STAT4: variants seen among roughly 807,000 people sequenced by gnomAD.
STAT4 encodes signal transducer and activator of transcription 4.
Under a neutral mutation model 110.5 loss-of-function variants are expected in STAT4, and 42 were observed. The observed-to-expected ratio is 0.38, with a 90% CI of 0.30 to 0.49. STAT4 has a LOEUF of 0.49. Ranked by LOEUF, STAT4 falls within the 20% of genes least tolerant of loss-of-function variation. The pLI, the probability that STAT4 is intolerant of heterozygous loss-of-function variation, is 0.95. For missense variants in STAT4, 632 were observed against 887.9 expected (o/e 0.71, Z 3.66); for synonymous variants, 284 against 302.2 (o/e 0.94, Z 0.63).
At chr2:191,076,057 T>G in intron 4 of STAT4, 170 bp downstream of exon 4, 1 of 560,860 alleles carries the variant, frequency 1.8e-6, no homozygotes, top group Non-Finnish European at 3.2e-6. Flanking sequence ...TCTTGCTGCA[T>G]TGGCCAGACT....
Position 191,029,790 on chromosome 2 carries a change from T to C in STAT4, c.*50A>G. The C allele has an allele frequency of 6.4e-7, 1 of 1,561,628 alleles. No homozygotes were observed. Among genetic ancestry groups the C allele is most frequent in the Non-Finnish European group, 8.8e-7 (1 of 1,140,992 alleles). ...TGTGGTTATTGGGCAAAGAACAGTC[T>C]TTAAACTTTTTCATTTGCTTCCTTT... On this transcript the variant is annotated 3_prime_UTR_variant, in exon 24 of 24. Coordinates refer to ENST00000392320, the MANE Select transcript of STAT4 (RefSeq NM_003151.4). This position sits in a 1 kb window ranked among gnomAD's most constrained non-coding sequence, Gnocchi z 4.5.
At chr2:191,132,987 C>T (rs1389087668) in intron 3 of STAT4, among the ~76,000 whole-genome samples, 1 of 151,442 alleles carries the variant, frequency 6.6e-6, no homozygotes, top group Admixed American at 6.6e-5. Context: ...ATATCCTGAC[C>T]TCGTGATCTG....
At position 191,090,529 on chromosome 2, in the gene STAT4, G is replaced by A. The variant is rs1341549488; in HGVS notation, c.274-14204C>T. 8.6e-5 allele frequency among the ~76,000 whole-genome samples: 13 copies of A among 151,956 alleles called. No homozygotes were observed. The highest frequency in any genetic ancestry group is 1.5e-4 in the Non-Finnish European group (10 of 67,980). On this transcript the variant is annotated intron_variant, in intron 3 of 23. Transcript: ENST00000392320. This position sits in a 1 kb window ranked among gnomAD's most constrained non-coding sequence, Gnocchi z 4.2. ...AATTAGCTGCAGGTATATATAGCTT[G>A]TCTTACCTTATTTATTTATTTTTAA...
intron 3 of STAT4, among the ~76,000 whole-genome samples, chr2:191,088,711 C>T (rs1697706861): frequency 6.6e-6 from 1 of 152,108 alleles, no homozygotes; most frequent in African/African-American, 2.4e-5. Context: ...CAGTGTGGTA[C>T]AGGTAAAAGA....
intron 14 of STAT4, among the ~76,000 whole-genome samples, chr2:191,052,795 C>T (rs1696568751): frequency 6.6e-6 from 1 of 152,080 alleles, no homozygotes; most frequent in African/African-American, 2.4e-5. Flanking sequence ...TTAAAATGTG[C>T]CAATGTTTAA....
chr2:191,132,409 C>A (rs1451097922), intron 3 of STAT4, among the ~76,000 whole-genome samples: 1 of 151,754 alleles, frequency 6.6e-6, no homozygotes, highest in Non-Finnish European at 1.5e-5. Context: ...ATTACAGCAT[C>A]ATTGAGAGCT....
chr2:191,122,776 T>G (rs576350563), intron 3 of STAT4, among the ~76,000 whole-genome samples: 2 of 152,286 alleles, frequency 1.3e-5, no homozygotes, highest in East Asian at 3.9e-4. Flanking sequence ...TTCTGTGAAA[T>G]TTCACTCACA....
Position 191,062,079 on chromosome 2 carries a change from G to T in STAT4, c.942-258C>A, listed in dbSNP as rs1696864183. On this transcript the variant is annotated intron_variant, in intron 9 of 23. Coordinates refer to ENST00000392320, the MANE Select transcript of STAT4 (RefSeq NM_003151.4). The surrounding 1 kb of genome is among the most constrained non-coding windows in gnomAD (Gnocchi z 4.9). ...TAGTAATTTTTTTTTCTTTTGAGAAGGGTCTCCCTCTGTTGCCCAGGCTGA... is the reference window on the plus strand; with the variant it reads ...TAGTAATTTTTTTTTCTTTTGAGAATGGTCTCCCTCTGTTGCCCAGGCTGA... Among the ~76,000 whole-genome samples the T allele has an allele frequency of 6.6e-6, 1 of 151,998 alleles. No homozygotes were observed. The highest frequency in any genetic ancestry group is 2.4e-5 in the African/African-American group (1 of 41,384).
chr2:191,134,299 C>T (rs921456750), intron 3 of STAT4, among the ~76,000 whole-genome samples: 3 of 152,210 alleles, frequency 2.0e-5, no homozygotes, highest in African/African-American at 7.2e-5. Context: ...GCCATACTGC[C>T]TGCCCGGGGG....
rs927495263 is a variant in STAT4, at chr2:191,033,428, A to T, written c.1852+62T>A. 71 of 1,544,702 alleles carry T rather than the reference A, an allele frequency of 4.6e-5. 1 individual carries two copies. The highest frequency in any genetic ancestry group is 3.6e-5 in the Non-Finnish European group (41 of 1,143,982). On this transcript the variant is annotated intron_variant, in intron 20 of 23. Coordinates refer to ENST00000392320, the MANE Select transcript of STAT4 (RefSeq NM_003151.4). This position sits in a 1 kb window ranked among gnomAD's most constrained non-coding sequence, Gnocchi z 6.9. Reference sequence around the variant, plus strand: ...CACACCATACACTTCCAAAAACTGAAATCCCAGTAACCAAATTTAAGAAAA... The same window carrying T: ...CACACCATACACTTCCAAAAACTGATATCCCAGTAACCAAATTTAAGAAAA...
intron 3 of STAT4, among the ~76,000 whole-genome samples, chr2:191,123,808 G>GT (rs1698802175): frequency 6.6e-6 from 1 of 152,178 alleles, no homozygotes; most frequent in African/African-American, 2.4e-5. Context: ...GACCAGCATC[G>GT]TGAGAGTATT....
At chr2:191,074,511 T>C (rs1177790893) in intron 4 of STAT4, among the ~76,000 whole-genome samples, 1 of 152,198 alleles carries the variant, frequency 6.6e-6, no homozygotes, top group African/African-American at 2.4e-5. Context: ...TCAGAGTGAC[T>C]TTGATGAGCA....
At chr2:191,123,256 C>A (rs1026737854) in intron 3 of STAT4, among the ~76,000 whole-genome samples, 1 of 152,192 alleles carries the variant, frequency 6.6e-6, no homozygotes, top group Non-Finnish European at 1.5e-5. Flanking sequence ...GAGCTCCTGA[C>A]TTAGCTCCTG....
chr2:191,030,860 A>G lies in STAT4; in HGVS notation c.2220+112T>C. On this transcript the variant is annotated intron_variant, in intron 23 of 23. Transcript: ENST00000392320. This position sits in a 1 kb window ranked among gnomAD's most constrained non-coding sequence, Gnocchi z 4.4. ...GTGTTATGCTCATGAATTTGTTCCA[A>G]TAAATGTGTTTTCTCCCTACCCAGG... is the stretch of plus-strand genomic sequence containing the variant. 4 of 943,378 alleles carry G rather than the reference A, an allele frequency of 4.2e-6. No homozygotes were observed. The highest frequency in any genetic ancestry group is 6.7e-6 in the Non-Finnish European group (4 of 597,068). 58.4% of individuals were successfully genotyped at this position (943,378 alleles called of 1,614,324 possible).
At position 191,060,885 on chromosome 2, in the gene STAT4, G is replaced by A. The variant is rs1696829146; in HGVS notation, c.1034+844C>T. 6.6e-6 allele frequency among the ~76,000 whole-genome samples: 1 copy of A among 152,220 alleles called. No individual in the cohort carries two copies. The highest frequency in any genetic ancestry group is 2.4e-5 in the African/African-American group (1 of 41,462). On this transcript the variant is annotated intron_variant, in intron 10 of 23. Coordinates refer to ENST00000392320, the MANE Select transcript of STAT4 (RefSeq NM_003151.4). This position sits in a 1 kb window ranked among gnomAD's most constrained non-coding sequence, Gnocchi z 4.5. Reference sequence around the variant, plus strand: ...AAAAATGGAGTTCCAATAGTGATATGTGATCAGCAACCTTATCATAGAACC... The same window carrying A: ...AAAAATGGAGTTCCAATAGTGATATATGATCAGCAACCTTATCATAGAACC...
rs992685517 is a variant in STAT4, at chr2:191,150,443, C to G, written c.-2+504G>C. ...CCACTAAAGGGGCATTTTGTCCCAC[C>G]GTCTGTGAGCTGGTGGTGCCGCTTT... On this transcript the variant is annotated intron_variant, in intron 1 of 23. Transcript: ENST00000392320. The surrounding 1 kb of genome is among the most constrained non-coding windows in gnomAD (Gnocchi z 6.4). Among the ~76,000 whole-genome samples, 1 of 152,166 alleles carries G rather than the reference C, an allele frequency of 6.6e-6. No homozygotes were observed.
chr2:191,137,422 T>A lies in STAT4; in HGVS notation c.273+9191A>T, dbSNP rs184889014. ...GGAAGAATTAATATCATTAAAATGA[T>A]CATACTGCCCAAAGCAATCTACAGA... On this transcript the variant is annotated intron_variant, in intron 3 of 23. Transcript: ENST00000392320. Among the ~76,000 whole-genome samples, 542 of 152,282 alleles carry A rather than the reference T, an allele frequency of 3.6e-3. 2 individuals are homozygous for A. Among genetic ancestry groups the A allele is most frequent in the Non-Finnish European group, 6.3e-3 (430 of 68,026 alleles).
rs770160746 is a variant in STAT4 at position 191,053,470 on chromosome 2, C to T, written c.1251+1020G>A. On this transcript the variant is annotated intron_variant, in intron 14 of 23. Transcript: ENST00000392320. This position sits in a 1 kb window ranked among gnomAD's most constrained non-coding sequence, Gnocchi z 4.5. ...AGGTCATTGACTTATGCCTTAGTTT[C>T]GAGGTCAGCTCAATAGATGTTCTCC... Among the ~76,000 whole-genome samples, 5 of 152,166 alleles carry T rather than the reference C, an allele frequency of 3.3e-5. No homozygotes were observed. The highest frequency in any genetic ancestry group is 5.9e-5 in the Non-Finnish European group (4 of 68,042).
chr2:191,037,191 C>T lies in STAT4; in HGVS notation c.1435-892G>A, dbSNP rs1696068071. ...TGGCACAAATTTTACCTTGACCAGACCAATCATCCCAAAGTGCTAGAAATG... is the reference window on the plus strand; with the variant it reads ...TGGCACAAATTTTACCTTGACCAGATCAATCATCCCAAAGTGCTAGAAATG... On this transcript the variant is annotated intron_variant, in intron 16 of 23. Transcript: ENST00000392320. This position sits in a 1 kb window ranked among gnomAD's most constrained non-coding sequence, Gnocchi z 4.8. 6.6e-6 allele frequency among the ~76,000 whole-genome samples: 1 copy of T among 152,136 alleles called. No individual in the cohort carries two copies. The highest frequency in any genetic ancestry group is 1.9e-4 in the East Asian group (1 of 5,188).
Sources: allele counts gnomAD v4.1 joint callset (sites outside exome capture counted in the v4.1 genomes callset), GRCh38; gene constraint gnomAD v4.1.1; non-coding constraint Gnocchi (gnomAD v3.1); transcripts MANE v1.5; gene names NCBI Gene and HGNC (gene_info 2026-07-23, HGNC 2026-07-21).